The following LRRTM4 variants were observed in gnomAD, a reference collection of about 807,000 sequenced individuals.
LRRTM4 encodes the protein leucine-rich repeat transmembrane neuronal protein 4.
LRRTM4 carries 25 observed loss-of-function variants against 47.6 expected under a neutral mutation model. The observed-to-expected ratio is 0.53, with a 90% CI of 0.38 to 0.73. The LOEUF (loss-of-function observed/expected upper bound fraction) is 0.73. LRRTM4 is among the 30% of genes least tolerant of loss of function. The pLI is 0.00. For synonymous variants in LRRTM4, 311 were observed against 269.5 expected (o/e 1.15, Z -1.51); for missense variants, 638 against 713.4 (o/e 0.89, Z 1.20).
intron 3 of LRRTM4, among the ~76,000 whole-genome samples, chr2:77,175,531 T>G (rs1004010467): frequency 6.6e-6 from 1 of 151,936 alleles, no homozygotes; most frequent in Non-Finnish European, 1.5e-5. Context: ...AAGAACCTGC[T>G]CTCCATTATC....
At chr2:76,776,967 T>G (rs1272332579) in intron 3 of LRRTM4, among the ~76,000 whole-genome samples, 1 of 133,270 alleles carries the variant, frequency 7.5e-6, no homozygotes, top group East Asian at 2.4e-4. Flanking sequence ...AGTTTCAGCT[T>G]TCTACATATG....
chr2:77,266,111 T>C (rs906934750), intron 3 of LRRTM4, among the ~76,000 whole-genome samples: 1 of 152,174 alleles, frequency 6.6e-6, no homozygotes, highest in African/African-American at 2.4e-5. Flanking sequence ...TTTTGTACTG[T>C]AATAGCAGAG....
intron 3 of LRRTM4, among the ~76,000 whole-genome samples, chr2:76,846,583 TTCA>T (rs1380090828): frequency 6.6e-6 from 1 of 152,006 alleles, no homozygotes; most frequent in African/African-American, 2.4e-5. Flanking sequence ...TTTATATCAG[TTCA>T]TCACAGAAAT....
intron 3 of LRRTM4, among the ~76,000 whole-genome samples, chr2:77,148,910 C>T (rs767821788): frequency 1.3e-5 from 2 of 152,168 alleles, no homozygotes; most frequent in African/African-American, 2.4e-5. Flanking sequence ...AAGATTTTTA[C>T]TCTATGCCCC....
chr2:77,362,850 GA>G (rs1395074575), intron 3 of LRRTM4, among the ~76,000 whole-genome samples: 2 of 152,032 alleles, frequency 1.3e-5, no homozygotes, highest in Non-Finnish European at 1.5e-5. Flanking sequence ...TGAGAGTACT[GA>G]AACAGTCATC....
intron 3 of LRRTM4, among the ~76,000 whole-genome samples, chr2:77,116,665 C>A (rs887937440): frequency 2.6e-5 from 4 of 152,104 alleles, no homozygotes; most frequent in African/African-American, 9.7e-5. Context: ...CAGAGCCTGA[C>A]AAGATTCAGC....
chr2:77,446,448 T>G lies in LRRTM4; in HGVS notation c.1551+71870A>C, dbSNP rs1018542403. On this transcript the variant is annotated intron_variant, in intron 3 of 3. Transcript: ENST00000409884. ...ACATTGATCTTCAAAGATATAATAT[T>G]GGGTCATAATCTTCAACAACAAGAT... is the stretch of plus-strand genomic sequence containing the variant. Among the ~76,000 whole-genome samples the G allele has an allele frequency of 4.6e-5, 7 of 152,030 alleles. 1 individual carries two copies. Among genetic ancestry groups the G allele is most frequent in the Admixed American group, 3.3e-4 (5 of 15,236 alleles).
intron 3 of LRRTM4, among the ~76,000 whole-genome samples, chr2:77,048,831 C>A (rs115975856): frequency 2.0e-5 from 3 of 151,500 alleles, no homozygotes; most frequent in African/African-American, 7.3e-5. Context: ...TTATCCTAAA[C>A]ACCCTATAGT....
At chr2:77,354,446 G>T (rs937004206) in intron 3 of LRRTM4, among the ~76,000 whole-genome samples, 1 of 152,032 alleles carries the variant, frequency 6.6e-6, no homozygotes, top group African/African-American at 2.4e-5. Context: ...GGTGGGTAAT[G>T]CTTCAGCGGT....
intron 3 of LRRTM4, among the ~76,000 whole-genome samples, chr2:76,754,263 A>G (rs1672950768): frequency 6.6e-6 from 1 of 152,194 alleles, no homozygotes; most frequent in South Asian, 2.1e-4. Context: ...TCTACTGGCT[A>G]TATTAGTATG....
intron 3 of LRRTM4, among the ~76,000 whole-genome samples, chr2:77,320,993 G>A (rs368841904): frequency 3.9e-5 from 6 of 152,062 alleles, no homozygotes; most frequent in East Asian, 1.9e-4. Context: ...AAGTACACAT[G>A]TTAATAAGAA....
At chr2:76,942,902 A>G (rs1015359499) in intron 3 of LRRTM4, among the ~76,000 whole-genome samples, 1 of 152,198 alleles carries the variant, frequency 6.6e-6, no homozygotes, top group African/African-American at 2.4e-5. Context: ...GATACTGCCA[A>G]TAATTAAGGC....
chr2:77,036,989 A>G (rs1573482556), intron 3 of LRRTM4, among the ~76,000 whole-genome samples: 1 of 151,636 alleles, frequency 6.6e-6, no homozygotes, highest in Non-Finnish European at 1.5e-5. Context: ...TCAGATGCCT[A>G]GCATGCTAGG....
chr2:77,415,195 A>G (rs1047070114), intron 3 of LRRTM4, among the ~76,000 whole-genome samples: 1 of 152,190 alleles, frequency 6.6e-6, no homozygotes, highest in African/African-American at 2.4e-5. Flanking sequence ...CTGAAGGAAT[A>G]TTTTTGGGAA....
intron 3 of LRRTM4, among the ~76,000 whole-genome samples, chr2:77,386,432 T>C (rs186090032): frequency 1.3e-5 from 2 of 152,302 alleles, no homozygotes; most frequent in African/African-American, 4.8e-5. Context: ...TCCATATCCC[T>C]GCAAAGGACA....
intron 3 of LRRTM4, among the ~76,000 whole-genome samples, chr2:77,500,341 GA>G (rs145619953): frequency 0.017 from 2,575 of 151,600 alleles, 34 homozygotes; most frequent in Non-Finnish European, 0.029. Flanking sequence ...GGAATAATGG[GA>G]AAAAATGTAT....
At chr2:77,492,744 A>G (rs2104050421) in intron 3 of LRRTM4, among the ~76,000 whole-genome samples, 1 of 152,310 alleles carries the variant, frequency 6.6e-6, no homozygotes, top group East Asian at 1.9e-4. Flanking sequence ...TATGAAATCA[A>G]TGCACAGCTC....
intron 3 of LRRTM4, among the ~76,000 whole-genome samples, chr2:77,338,699 C>G (rs1346405210): frequency 2.0e-5 from 3 of 152,020 alleles, no homozygotes; most frequent in Non-Finnish European, 4.4e-5. Flanking sequence ...GGTGATTTCT[C>G]AAATACCTAA....
At chr2:76,930,257 C>T (rs1237840574) in intron 3 of LRRTM4, among the ~76,000 whole-genome samples, 1 of 152,052 alleles carries the variant, frequency 6.6e-6, no homozygotes, top group Non-Finnish European at 1.5e-5. Context: ...GGCCCTTTGG[C>T]CTCTGGGCCT....
Sources: gnomAD v4.1 joint callset for allele counts (sites outside exome capture counted in the v4.1 genomes callset) on GRCh38, gnomAD v4.1.1 for gene constraint, MANE v1.5 for transcripts, NCBI Gene and HGNC (gene_info 2026-07-23, HGNC 2026-07-21) for gene names.